The following SPAG6 variants were observed in gnomAD, a reference collection of about 807,000 sequenced individuals.
The protein encoded by SPAG6 is sperm associated antigen 6, also known as sperm-associated antigen 6.
In SPAG6, 49 loss-of-function variants were observed where a neutral mutation model predicts 58.5. That is an observed-to-expected ratio of 0.84 (90% CI 0.67 to 1.06). The LOEUF (loss-of-function observed/expected upper bound fraction) is 1.06. SPAG6 is among the 50% of genes least tolerant of loss of function. The pLI is 0.00. For missense variants in SPAG6, 560 were observed against 611.3 expected, an observed-to-expected ratio of 0.92 and a Z score of 0.89; for synonymous variants, 233 against 225.6, an observed-to-expected ratio of 1.03 and a Z score of -0.29.
chr10:22,364,915 G>A lies in SPAG6; in HGVS notation c.184G>A (p.Ala62Thr), dbSNP rs1837150936. The change falls in exon 3 of 11, where the codon GCT becomes ACT. Residue 62 changes from alanine (A) to threonine (T), a missense_variant. Ala to Thr is a moderately conservative substitution (Grantham distance 58). Transcript: ENST00000376624. ...GGTCCCAACAATTCAACAGACTGCTGCTTTGGCTCTTGGGAGACTGGCCAA... is the reference window on the plus strand; with the variant it reads ...GGTCCCAACAATTCAACAGACTGCTACTTTGGCTCTTGGGAGACTGGCCAA... ...DVVPTIQQTA[A>T]LALGRLANYN... 2 of 1,613,520 alleles carry A rather than the reference G, an allele frequency of 1.2e-6. No individual in the cohort carries two copies. The highest frequency in any genetic ancestry group is 3.3e-5 in the Admixed American group (2 of 59,908).
chr10:22,382,323 G>A (rs923956413), intron 4 of SPAG6, among the ~76,000 whole-genome samples: 6 of 152,162 alleles, frequency 3.9e-5, no homozygotes, highest in South Asian at 2.1e-4. Context: ...TTTGGCGACT[G>A]TACATTTTTA....
intron 8 of SPAG6, among the ~76,000 whole-genome samples, chr10:22,394,573 T>G (rs1834249596): frequency 6.6e-6 from 1 of 152,286 alleles, no homozygotes; most frequent in Non-Finnish European, 1.5e-5. Flanking sequence ...TTAGAATATT[T>G]TTATTCCCCA....
At chr10:22,412,337 TC>T (rs988351870) in intron 10 of SPAG6, 37 of 592,278 alleles carry the variant, frequency 6.2e-5, no homozygotes, top group African/African-American at 5.3e-4. Flanking sequence ...TGTTAATTCT[TC>T]CTGTTTAATA....
chr10:22,408,292 T>TTGA (rs961665865), intron 9 of SPAG6, among the ~76,000 whole-genome samples: 3 of 136,756 alleles, frequency 2.2e-5, no homozygotes, highest in Non-Finnish European at 4.6e-5. Context: ...TTTGATGATG[T>TTGA]TGATGATGAT....
At chr10:22,349,386 G>A (rs779553934) in intron 2 of SPAG6, among the ~76,000 whole-genome samples, 8 of 152,028 alleles carry the variant, frequency 5.3e-5, no homozygotes, top group South Asian at 4.1e-4. Flanking sequence ...GATACTTCCC[G>A]TCTGAATAAT....
At chr10:22,347,942 A>C (rs924666390) in intron 2 of SPAG6, among the ~76,000 whole-genome samples, 1 of 152,222 alleles carries the variant, frequency 6.6e-6, no homozygotes, top group Non-Finnish European at 1.5e-5. Flanking sequence ...TGAATATTCA[A>C]TGTATTTATT....
chr10:22,368,964 C>A (rs1342691834), intron 4 of SPAG6, among the ~76,000 whole-genome samples: 1 of 151,854 alleles, frequency 6.6e-6, no homozygotes, highest in Non-Finnish European at 1.5e-5. Flanking sequence ...GTCTCAAAGG[C>A]CTTGGTAAAT....
Position 22,401,245 on chromosome 10 carries a change from A to T in SPAG6, c.1282A>T (p.Ile428Phe), listed in dbSNP as rs1329916565. Reference protein sequence around the residue: ...EPFLYDAPPNILKHVVGQFSK... With the variant: ...EPFLYDAPPNFLKHVVGQFSK... The stretch of plus-strand genomic sequence containing the variant: ...ATTTCTATATGATGCTCCTCCCAAT[A>T]TTCTGAAACATGTGGTTGGACAGTT... The change falls in exon 9 of 11, where the codon ATT becomes TTT. Residue 428 changes from isoleucine to phenylalanine, a missense_variant. By Grantham distance (21) the Ile-to-Phe change is conservative. Coordinates refer to ENST00000376624, the MANE Select transcript of SPAG6 (RefSeq NM_012443.4). 1.3e-6 allele frequency: 2 copies of T among 1,591,584 alleles called. No homozygotes were observed. Among genetic ancestry groups the T allele is most frequent in the South Asian group, 2.2e-5 (2 of 90,514 alleles).
At chr10:22,406,964 A>C (rs368424845) in intron 9 of SPAG6, among the ~76,000 whole-genome samples, 1 of 151,152 alleles carries the variant, frequency 6.6e-6, no homozygotes, top group Admixed American at 6.6e-5. Context: ...TGCAACCCCT[A>C]CCTTTTTTTG....
chr10:22,410,851 A>G (rs539533504), intron 9 of SPAG6, among the ~76,000 whole-genome samples, 180 bp from the exon 10 acceptor site: 1 of 152,222 alleles, frequency 6.6e-6, no homozygotes, highest in African/African-American at 2.4e-5. Context: ...CAACCTAAAA[A>G]TTAACACATT....
At chr10:22,407,425 G>A (rs371152185) in intron 9 of SPAG6, among the ~76,000 whole-genome samples, 1 of 151,696 alleles carries the variant, frequency 6.6e-6, no homozygotes, top group East Asian at 1.9e-4. Context: ...ATGAAATTCT[G>A]GGTTGAAAAT....
chr10:22,374,235 T>C (rs1833767138), intron 4 of SPAG6, among the ~76,000 whole-genome samples: 1 of 152,212 alleles, frequency 6.6e-6, no homozygotes, highest in South Asian at 2.1e-4. Context: ...GTCATCATCA[T>C]GGTAATCATC....
At chr10:22,413,592 T>G (rs930657132) in intron 10 of SPAG6, among the ~76,000 whole-genome samples, 5 of 151,832 alleles carry the variant, frequency 3.3e-5, no homozygotes, top group Admixed American at 3.3e-4. Context: ...TTTTAACTTC[T>G]CCACTTCCCC....
In SPAG6 at chr10:22,345,528, C is replaced by A; in HGVS notation, c.-84C>A. On this transcript the variant is annotated 5_prime_UTR_variant, in exon 1 of 11. Transcript: ENST00000376624. This position sits in a 1 kb window ranked among gnomAD's most constrained non-coding sequence, Gnocchi z 6.3. Reference sequence around the variant, plus strand: ...CGGCTCCCGTCGGAGGCCGAGTCGTCGCCACGATCGCCCCCTTGGTGGACT... The same window carrying A: ...CGGCTCCCGTCGGAGGCCGAGTCGTAGCCACGATCGCCCCCTTGGTGGACT... 8.2e-7 allele frequency: 1 copy of A among 1,220,832 alleles called. No individual in the cohort carries two copies. The highest frequency in any genetic ancestry group is 1.4e-5 in the South Asian group (1 of 70,194). 75.6% of individuals were successfully genotyped at this position (1,220,832 alleles called of 1,614,324 possible).
intron 10 of SPAG6, chr10:22,412,601 A>G: frequency 1.4e-6 from 1 of 722,484 alleles, no homozygotes; most frequent in East Asian, 3.1e-5. Flanking sequence ...TCTACATATA[A>G]CACTCTGTCT....
intron 4 of SPAG6, among the ~76,000 whole-genome samples, chr10:22,380,522 G>A (rs866116637): frequency 6.6e-6 from 1 of 151,944 alleles, no homozygotes; most frequent in Admixed American, 6.6e-5. Context: ...GTCCAAGCTG[G>A]TTTTGAACTC....
rs192890583 is a variant in SPAG6 at position 22,353,855 on chromosome 10, G to C, written c.121+8037G>C. ...AGGTATATAATCACACAGATACTGT[G>C]CTGAATTTCCTAGGAGTTAGCCAGA... On this transcript the variant is annotated intron_variant, in intron 2 of 10. Transcript: ENST00000376624. 2.1e-3 allele frequency among the ~76,000 whole-genome samples: 313 copies of C among 152,330 alleles called. 1 individual carries two copies. The highest frequency in any genetic ancestry group is 3.2e-3 in the Non-Finnish European group (216 of 68,030).
chr10:22,406,516 T>C (rs1271750784), intron 9 of SPAG6, among the ~76,000 whole-genome samples: 1 of 152,214 alleles, frequency 6.6e-6, no homozygotes, highest in Non-Finnish European at 1.5e-5. Context: ...TTTGTTATAA[T>C]TTCTGTTGTT....
chr10:22,387,750 T>G, intron 5 of SPAG6, 73 bp from the exon 6 acceptor site: 2 of 1,424,780 alleles, frequency 1.4e-6, no homozygotes, highest in South Asian at 2.9e-5. Flanking sequence ...ATAAAACTGT[T>G]TACATTACAT....
Sources: allele counts gnomAD v4.1 joint callset (sites outside exome capture counted in the v4.1 genomes callset), GRCh38; gene constraint gnomAD v4.1.1; non-coding constraint Gnocchi (gnomAD v3.1); transcripts MANE v1.5; gene names NCBI Gene and HGNC (gene_info 2026-07-23, HGNC 2026-07-21).